Variants in CDHR3 observed in about 807,000 individuals in gnomAD.
CDHR3 encodes the protein cadherin-related family member 3.
CDHR3 carries 79 observed loss-of-function variants against 86.6 expected under a neutral mutation model. The ratio of observed to expected loss-of-function variants is 0.91; its 90% CI spans 0.76 to 1.10. The LOEUF is 1.10. Ranked by LOEUF, CDHR3 falls within the 50% of genes least tolerant of loss-of-function variation. CDHR3 has a pLI of 0.00. For synonymous variants in CDHR3, 421 were observed against 402.4 expected, an observed-to-expected ratio of 1.05 and a Z score of -0.55; for missense variants, 1,081 against 1,077.6, an observed-to-expected ratio of 1.00 and a Z score of -0.04.
At chr7:105,998,038 G>T (rs1293866434) in intron 6 of CDHR3, among the ~76,000 whole-genome samples, 2 of 152,088 alleles carry the variant, frequency 1.3e-5, no homozygotes, top group African/African-American at 2.4e-5. Flanking sequence ...AAGAAGGAGT[G>T]GGGGCAGGGT....
chr7:106,022,528 G>A, intron 14 of CDHR3, 80 bp downstream of exon 14: 1 of 1,548,290 alleles, frequency 6.5e-7, no homozygotes, highest in Admixed American at 1.8e-5. Flanking sequence ...CGGCCTGGAG[G>A]TATGTGGGGT....
chr7:106,027,970 T>A (rs1040017019), intron 16 of CDHR3, among the ~76,000 whole-genome samples: 7 of 151,608 alleles, frequency 4.6e-5, no homozygotes, highest in South Asian at 2.1e-4. Flanking sequence ...AGAAAAAAAA[T>A]TTTTAAATTA....
intron 4 of CDHR3, among the ~76,000 whole-genome samples, chr7:105,984,952 G>A (rs981996143): frequency 2.6e-5 from 4 of 151,902 alleles, no homozygotes; most frequent in Non-Finnish European, 5.9e-5. Context: ...CCAGCTACTC[G>A]GGAGGCTGAG....
intron 4 of CDHR3, among the ~76,000 whole-genome samples, chr7:105,985,869 A>C (rs967051414): frequency 3.3e-5 from 5 of 152,224 alleles, no homozygotes; most frequent in Non-Finnish European, 7.3e-5. Context: ...GGGCGTGTAC[A>C]TGGGAACTTT....
At chr7:105,976,871 C>T (rs551924799) in intron 2 of CDHR3, among the ~76,000 whole-genome samples, 44 of 152,208 alleles carry the variant, frequency 2.9e-4, no homozygotes, top group African/African-American at 1.0e-3. Context: ...GTTGTCTCCA[C>T]GTGGGAGTTC....
chr7:106,027,888 G>A (rs192900285), intron 16 of CDHR3, among the ~76,000 whole-genome samples: 1 of 152,224 alleles, frequency 6.6e-6, no homozygotes, highest in Non-Finnish European at 1.5e-5. Flanking sequence ...ACTCTGGGAG[G>A]CCAAGGCTAG....
chr7:105,996,304 G>C lies in CDHR3; in HGVS notation c.663G>C (p.Glu221Asp). The C allele has an allele frequency of 6.2e-7, 1 of 1,601,068 alleles. No homozygotes were observed. The highest frequency in any genetic ancestry group is 8.5e-7 in the Non-Finnish European group (1 of 1,169,626). The change falls in exon 6 of 19, where the codon GAG (glutamate) becomes GAC (aspartate). Residue 221 changes from glutamate (E) to aspartate (D), a missense_variant. Transcript: ENST00000317716. Reference sequence around the variant, plus strand: ...GTGGAGGCCTCAAAGCCTCCACAGAGCTCCAGGTGAACATCGTGAACCTCA... The same window carrying C: ...GTGGAGGCCTCAAAGCCTCCACAGACCTCCAGGTGAACATCGTGAACCTCA... ...RDSGGLKASTELQVNIVNLND... is the reference protein window; with the variant it reads ...RDSGGLKASTDLQVNIVNLND...
chr7:105,996,399 C>A, intron 6 of CDHR3, 45 bp downstream of exon 6: 1 of 1,146,846 alleles, frequency 8.7e-7, no homozygotes, highest in Non-Finnish European at 1.3e-6. Context: ...CAGGTGCGTC[C>A]TTCTTAGGCG....
At chr7:105,986,430 G>A (rs184909890) in intron 4 of CDHR3, among the ~76,000 whole-genome samples, 7 of 152,320 alleles carry the variant, frequency 4.6e-5, no homozygotes, top group African/African-American at 1.7e-4. Flanking sequence ...ACATTCATGC[G>A]TAGGGGAGAA....
At chr7:106,029,131 C>G (rs1837941483) in intron 17 of CDHR3, among the ~76,000 whole-genome samples, 1 of 152,070 alleles carries the variant, frequency 6.6e-6, no homozygotes. Flanking sequence ...AGACACGTGC[C>G]ACCACGCCTG....
At chr7:106,022,488 T>C (rs1379648677) in intron 14 of CDHR3, 40 bp downstream of exon 14, 10 of 1,597,730 alleles carry the variant, frequency 6.3e-6, no homozygotes, top group Non-Finnish European at 1.7e-6. Context: ...GCACATTCCC[T>C]TGTGAGTTAT....
chr7:106,014,613 C>T (rs770562207), intron 9 of CDHR3, among the ~76,000 whole-genome samples: 5 of 152,120 alleles, frequency 3.3e-5, no homozygotes, highest in Non-Finnish European at 5.9e-5. Context: ...GCCTGGGCAA[C>T]AAAGGGGACC....
In CDHR3 at chr7:106,033,837, G is replaced by A. The variant is rs1838694437; in HGVS notation, c.*1140G>A. ...CTCACTTTTTTGCTCATATATCTAAGAGTGGGATTGCTGGAGCAATTGCTG... is the reference window on the plus strand; with the variant it reads ...CTCACTTTTTTGCTCATATATCTAAAAGTGGGATTGCTGGAGCAATTGCTG... On this transcript the variant is annotated 3_prime_UTR_variant, in exon 19 of 19. Transcript: ENST00000317716. The A allele has an allele frequency of 6.6e-6, 1 of 152,206 alleles. No individual in the cohort carries two copies. Among genetic ancestry groups the A allele is most frequent in the Non-Finnish European group, 1.5e-5 (1 of 68,042 alleles). The allele number at this position is 152,206 out of a possible 1,614,324, so 9.4% of individuals were successfully genotyped here.
At chr7:106,017,636 A>T (rs1313933172) in intron 11 of CDHR3, among the ~76,000 whole-genome samples, 3 of 151,384 alleles carry the variant, frequency 2.0e-5, no homozygotes, top group Admixed American at 2.0e-4. Flanking sequence ...ATTACACCTC[A>T]CAGGACTGCT....
chr7:105,985,243 T>C (rs1210686651), intron 4 of CDHR3, among the ~76,000 whole-genome samples: 1 of 152,152 alleles, frequency 6.6e-6, no homozygotes, highest in Non-Finnish European at 1.5e-5. Flanking sequence ...AGGTGAAGCC[T>C]CTTAGTTGTT....
At chr7:105,973,154 G>C (rs1476004585) in intron 1 of CDHR3, among the ~76,000 whole-genome samples, 1 of 152,126 alleles carries the variant, frequency 6.6e-6, no homozygotes, top group African/African-American at 2.4e-5. Context: ...TGGGAAGGGG[G>C]ACCTGTGTAA....
intron 16 of CDHR3, among the ~76,000 whole-genome samples, chr7:106,027,290 G>C (rs1049300592): frequency 6.6e-6 from 1 of 151,902 alleles, no homozygotes; most frequent in Admixed American, 6.6e-5. Context: ...CCAGCTACTC[G>C]GGAGGCTGAG....
intron 6 of CDHR3, among the ~76,000 whole-genome samples, chr7:105,997,799 CAGAG>C (rs150886389): frequency 3.3e-5 from 5 of 150,942 alleles, no homozygotes; most frequent in Non-Finnish European, 7.4e-5. Context: ...TGACTTTTAG[CAGAG>C]AGAGAGAGAG....
chr7:106,006,927 C>T (rs753285705), intron 8 of CDHR3, among the ~76,000 whole-genome samples: 1 of 152,322 alleles, frequency 6.6e-6, no homozygotes, highest in Non-Finnish European at 1.5e-5. Flanking sequence ...CATGAGGGGC[C>T]ACCCCTGCAA....
Sources: allele counts gnomAD v4.1 joint callset (sites outside exome capture counted in the v4.1 genomes callset), GRCh38; gene constraint gnomAD v4.1.1; transcripts MANE v1.5; gene names NCBI Gene and HGNC (gene_info 2026-07-23, HGNC 2026-07-21).